Variants in PTPN13 observed in about 807,000 individuals in gnomAD.
The protein encoded by PTPN13 is protein tyrosine phosphatase non-receptor type 13.
A neutral mutation model predicts 284.0 loss-of-function variants in PTPN13; 191 were observed. That is an observed-to-expected ratio of 0.67 (90% confidence interval 0.60 to 0.76). PTPN13 has a LOEUF of 0.76. PTPN13 is among the 30% of genes least tolerant of loss of function. The pLI, the probability that PTPN13 is intolerant of heterozygous loss-of-function variation, is 0.00. For missense variants in PTPN13, 2,797 were observed against 2,939.9 expected (o/e 0.95, Z 1.12); for synonymous variants, 986 against 1,022.3 (o/e 0.96, Z 0.68).
At chr4:86,635,503 T>C in intron 2 of PTPN13, 132 bp downstream of exon 2, 1 of 1,341,530 alleles carries the variant, frequency 7.5e-7, no homozygotes, top group Non-Finnish European at 9.9e-7. Context: ...AAGGAATACT[T>C]TCCTTATCTC....
At chr4:86,761,169 T>TATATATATATATATATAA (rs1188928906) in intron 23 of PTPN13, among the ~76,000 whole-genome samples, 1 of 145,100 alleles carries the variant, frequency 6.9e-6, no homozygotes, top group African/African-American at 2.5e-5. Flanking sequence ...TATATATATA[T>TATATATATATATATATAA]AAACACAACA....
chr4:86,644,094 G>A (rs1429583548), intron 2 of PTPN13, among the ~76,000 whole-genome samples: 1 of 151,602 alleles, frequency 6.6e-6, no homozygotes, highest in East Asian at 1.9e-4. Flanking sequence ...GAAAAAAATA[G>A]ACAACCCGAA....
chr4:86,703,146 G>A (rs1335286214), intron 7 of PTPN13, among the ~76,000 whole-genome samples: 3 of 152,074 alleles, frequency 2.0e-5, no homozygotes, highest in African/African-American at 4.8e-5. Context: ...TATGGGTTCC[G>A]ATATAACATG....
At chr4:86,812,967 A>G (rs574716335) in intron 47 of PTPN13, among the ~76,000 whole-genome samples, 2 of 152,182 alleles carry the variant, frequency 1.3e-5, no homozygotes, top group South Asian at 2.1e-4. Flanking sequence ...GTAAGTGTGG[A>G]CAGAGTGAAA....
At chr4:86,629,784 G>A (rs115939114) in intron 1 of PTPN13, among the ~76,000 whole-genome samples, 52 of 148,168 alleles carry the variant, frequency 3.5e-4, no homozygotes, top group South Asian at 1.5e-3. Flanking sequence ...TTTTTAATGG[G>A]GTCTTGCTCT....
At chr4:86,783,738 CT>C (rs1741592297) in intron 37 of PTPN13, among the ~76,000 whole-genome samples, 1 of 151,860 alleles carries the variant, frequency 6.6e-6, no homozygotes, top group African/African-American at 2.4e-5. Flanking sequence ...AAAGCACAAC[CT>C]TTTATTTGTA....
At chr4:86,758,588 A>G in intron 21 of PTPN13, 90 bp from the exon 22 acceptor site, 2 of 1,129,196 alleles carry the variant, frequency 1.8e-6, no homozygotes, top group Non-Finnish European at 2.6e-6. Context: ...TGATATCAAT[A>G]GTCCCCACAT....
intron 3 of PTPN13, among the ~76,000 whole-genome samples, chr4:86,681,976 T>C (rs1414569076): frequency 1.3e-5 from 2 of 152,140 alleles, no homozygotes; most frequent in Non-Finnish European, 2.9e-5. Context: ...TGTTCTACAA[T>C]GTATATAATG....
Position 86,758,303 on chromosome 4 carries a change from G to A in PTPN13, c.3267G>A (p.Arg1089=). The A allele has an allele frequency of 6.2e-7, 1 of 1,612,148 alleles. No individual in the cohort carries two copies. Among genetic ancestry groups the A allele is most frequent in the Non-Finnish European group, 8.5e-7 (1 of 1,178,880 alleles). ...GGAGCATAGTATCTTCACCAGAAAG[G>A]GAGATCACCTTAGTGAACCTGAAAA... is the stretch of plus-strand genomic sequence containing the variant. ...KRWSIVSSPE[R]EITLVNLKKD... Residue 1089 remains arginine, a synonymous_variant, in exon 21 of 48, where the codon AGG becomes AGA. Transcript: ENST00000411767.
intron 2 of PTPN13, among the ~76,000 whole-genome samples, chr4:86,651,571 T>C (rs1725078623): frequency 6.6e-6 from 1 of 152,222 alleles, no homozygotes; most frequent in Non-Finnish European, 1.5e-5. Flanking sequence ...ATTACTTTTT[T>C]AAATGTTTAG....
intron 31 of PTPN13, 82 bp downstream of exon 31, chr4:86,771,617 A>G: frequency 5.9e-6 from 8 of 1,344,786 alleles, no homozygotes; most frequent in Non-Finnish European, 7.0e-6. Context: ...TCTCTTAAGA[A>G]TGAAATGTAT....
At chr4:86,652,763 G>A (rs1161799727) in intron 2 of PTPN13, among the ~76,000 whole-genome samples, 5 of 152,020 alleles carry the variant, frequency 3.3e-5, no homozygotes, top group Non-Finnish European at 7.4e-5. Context: ...TCTTCTTGGT[G>A]TTCTGTGATC....
intron 6 of PTPN13, among the ~76,000 whole-genome samples, chr4:86,699,253 G>C (rs932108707): frequency 6.6e-6 from 1 of 152,082 alleles, no homozygotes; most frequent in Admixed American, 6.6e-5. Context: ...TAGCGTGGTG[G>C]TGGGCGCCTG....
intron 7 of PTPN13, among the ~76,000 whole-genome samples, chr4:86,711,578 T>G (rs1287605104): frequency 6.6e-6 from 1 of 152,172 alleles, no homozygotes; most frequent in Non-Finnish European, 1.5e-5. Context: ...CTTCATTTTC[T>G]GTAACTGAAA....
In PTPN13 at chr4:86,745,063, C is replaced by T. The variant is rs1431460280; in HGVS notation, c.2585C>T (p.Ser862Phe). Residue 862 changes from serine to phenylalanine, a missense_variant, in exon 17 of 48, where the codon TCT (serine) becomes TTT (phenylalanine). Coordinates refer to ENST00000411767, the MANE Select transcript of PTPN13 (RefSeq NM_080683.3). The part of the protein sequence containing the change: ...KICQYLLHLC[S>F]YQHKFQLQMR... ...TGCCAGTACCTGCTGCACCTCTGCT[C>T]TTACCAGCATAAGTTCCAGCTACAG... 2.5e-6 allele frequency: 4 copies of T among 1,612,290 alleles called. No homozygotes were observed. The highest frequency in any genetic ancestry group is 3.4e-6 in the Non-Finnish European group (4 of 1,179,316).
intron 30 of PTPN13, 53 bp from the exon 31 acceptor site, chr4:86,771,118 G>A (rs1739946583): frequency 2.0e-6 from 3 of 1,484,468 alleles, no homozygotes; most frequent in Non-Finnish European, 2.7e-6. Context: ...TCAAATAAAT[G>A]CTTCTAAAAT....
At chr4:86,670,856 T>C (rs1237459066) in intron 2 of PTPN13, among the ~76,000 whole-genome samples, 1 of 152,168 alleles carries the variant, frequency 6.6e-6, no homozygotes, top group African/African-American at 2.4e-5. Context: ...ACTTGTATAG[T>C]GACTGTAAAA....
At chr4:86,667,835 G>A (rs1020063363) in intron 2 of PTPN13, among the ~76,000 whole-genome samples, 1 of 152,092 alleles carries the variant, frequency 6.6e-6, no homozygotes, top group African/African-American at 2.4e-5. Flanking sequence ...TCTCAAAATG[G>A]TTTCCTGATA....
At chr4:86,710,673 C>T (rs1297044158) in intron 7 of PTPN13, among the ~76,000 whole-genome samples, 1 of 152,132 alleles carries the variant, frequency 6.6e-6, no homozygotes. Flanking sequence ...GCAAAACACA[C>T]TTGCCTATTG....
Sources: allele counts gnomAD v4.1 joint callset (sites outside exome capture counted in the v4.1 genomes callset), GRCh38; gene constraint gnomAD v4.1.1; transcripts MANE v1.5; gene names NCBI Gene and HGNC (gene_info 2026-07-23, HGNC 2026-07-21).